CPNE8: variants seen among roughly 807,000 people sequenced by gnomAD.
CPNE8 encodes copine 8, also known as copine-8.
In CPNE8, 45 loss-of-function variants were observed where a neutral mutation model predicts 81.5. The observed-to-expected ratio is 0.55, with a 90% confidence interval of 0.44 to 0.71. CPNE8 has a LOEUF of 0.71. Ranked by LOEUF, CPNE8 falls within the 30% of genes least tolerant of loss-of-function variation. CPNE8 has a pLI of 0.00. For missense variants in CPNE8, 594 were observed against 672.1 expected (o/e 0.88, Z 1.28); for synonymous variants, 252 against 226.3 (o/e 1.11, Z -1.02).
intron 6 of CPNE8, among the ~76,000 whole-genome samples, chr12:38,779,844 TA>T (rs1942008844): frequency 6.6e-6 from 1 of 152,072 alleles, no homozygotes. Context: ...ATGAATAGTA[TA>T]CAAAATATAA....
chr12:38,778,297 CACA>C, intron 6 of CPNE8, among the ~76,000 whole-genome samples: 1 of 152,180 alleles, frequency 6.6e-6, no homozygotes, highest in Non-Finnish European at 1.5e-5. Flanking sequence ...ATGGTGGTTT[CACA>C]ACAATGAAAT....
chr12:38,770,363 T>G (rs1263661184), intron 7 of CPNE8, among the ~76,000 whole-genome samples: 2 of 152,218 alleles, frequency 1.3e-5, no homozygotes, highest in Non-Finnish European at 2.9e-5. Context: ...TCTAAAATTT[T>G]GCTCAAATCT....
At chr12:38,802,704 C>T (rs1334953886) in intron 6 of CPNE8, among the ~76,000 whole-genome samples, 2 of 151,768 alleles carry the variant, frequency 1.3e-5, no homozygotes, top group Non-Finnish European at 2.9e-5. Context: ...TTCCAAAAAT[C>T]AATGAATCCA....
intron 6 of CPNE8, among the ~76,000 whole-genome samples, chr12:38,778,292 G>A (rs948082698): frequency 2.0e-5 from 3 of 152,054 alleles, no homozygotes; most frequent in African/African-American, 7.2e-5. Context: ...AGCCTATGGT[G>A]GTTTCACAAC....
At chr12:38,896,153 A>C (rs1944384996) in intron 1 of CPNE8, among the ~76,000 whole-genome samples, 1 of 152,150 alleles carries the variant, frequency 6.6e-6, no homozygotes, top group African/African-American at 2.4e-5. Context: ...CTTATATTTG[A>C]ATTCGTTTAC....
chr12:38,770,495 A>C (rs1941779518), intron 7 of CPNE8, among the ~76,000 whole-genome samples: 1 of 152,192 alleles, frequency 6.6e-6, no homozygotes, highest in Admixed American at 6.5e-5. Flanking sequence ...TCCATTCTCC[A>C]TTCAGCAGAC....
intron 6 of CPNE8, among the ~76,000 whole-genome samples, chr12:38,787,154 C>T (rs1313491590): frequency 5.3e-5 from 8 of 152,036 alleles, no homozygotes; most frequent in South Asian, 2.1e-4. Flanking sequence ...GCAGAATACA[C>T]ATCATGTTCC....
chr12:38,662,702 A>C (rs769076399), intron 19 of CPNE8, among the ~76,000 whole-genome samples: 1 of 152,288 alleles, frequency 6.6e-6, no homozygotes, highest in African/African-American at 2.4e-5. Context: ...AGCCACAAGA[A>C]GAAAGCTGAA....
At chr12:38,798,250 G>C (rs1046586682) in intron 6 of CPNE8, among the ~76,000 whole-genome samples, 11 of 152,138 alleles carry the variant, frequency 7.2e-5, no homozygotes, top group Non-Finnish European at 1.2e-4. Context: ...ATAATTGTCG[G>C]ATTCACCAAA....
At chr12:38,666,969 C>T (rs1939069677) in intron 19 of CPNE8, among the ~76,000 whole-genome samples, 1 of 152,114 alleles carries the variant, frequency 6.6e-6, no homozygotes, top group Non-Finnish European at 1.5e-5. Flanking sequence ...CTTAGCCTGC[C>T]TAGCACATGA....
upstream of CPNE8, chr12:38,905,606 G>C: frequency 6.5e-7 from 1 of 1,528,516 alleles, no homozygotes; most frequent in Non-Finnish European, 8.8e-7. Flanking sequence ...GCTAGCTCCC[G>C]TCAGGCGGGG....
chr12:38,817,561 C>T (rs1453865792), intron 6 of CPNE8, among the ~76,000 whole-genome samples: 1 of 148,020 alleles, frequency 6.8e-6, no homozygotes, highest in Non-Finnish European at 1.5e-5. Flanking sequence ...TTCTGTATTA[C>T]TAAAGTGATA....
At chr12:38,675,672 A>G in intron 18 of CPNE8, 45 bp downstream of exon 18, 1 of 1,214,266 alleles carries the variant, frequency 8.2e-7, no homozygotes, top group Non-Finnish European at 1.2e-6. Context: ...GTTACATTAG[A>G]TTAAATGAAC....
chr12:38,829,777 C>T (rs1414265881), intron 5 of CPNE8, among the ~76,000 whole-genome samples: 2 of 152,126 alleles, frequency 1.3e-5, no homozygotes, highest in African/African-American at 4.8e-5. Flanking sequence ...ACTTCGGATG[C>T]CTCTGAATTA....
In CPNE8 at chr12:38,653,529, A is replaced by G. The variant is rs1350265550; in HGVS notation, c.*353T>C. ...ACATTGATACAGAGACTGCTTTCCT[A>G]TACACATAGCAGTCGAAGACAATAT... On this transcript the variant is annotated 3_prime_UTR_variant, in exon 20 of 20. Transcript: ENST00000331366. 5.4e-6 allele frequency: 1 copy of G among 184,482 alleles called. No homozygotes were observed. The highest frequency in any genetic ancestry group is 2.3e-5 in the African/African-American group (1 of 42,578). 11.4% of individuals were successfully genotyped at this position (184,482 alleles called of 1,614,324 possible). A position where few individuals can be genotyped will look rare whatever the true frequency, so the allele number is the denominator to read the frequency against.
chr12:38,898,210 A>C (rs76980777), intron 1 of CPNE8, among the ~76,000 whole-genome samples: 2,305 of 152,238 alleles, frequency 0.015, 49 homozygotes, highest in African/African-American at 0.052. Context: ...CATTCTCCAC[A>C]TACCAGGGCT....
chr12:38,897,215 A>C (rs1183167957), intron 1 of CPNE8, among the ~76,000 whole-genome samples: 1 of 152,116 alleles, frequency 6.6e-6, no homozygotes, highest in Non-Finnish European at 1.5e-5. Flanking sequence ...ATGGTAATAA[A>C]AGTATTTAGA....
At chr12:38,675,809 G>A (rs781546704) in intron 17 of CPNE8, 35 bp from the exon 18 acceptor site, 98 of 1,337,840 alleles carry the variant, frequency 7.3e-5, no homozygotes, top group Non-Finnish European at 1.0e-4. Flanking sequence ...TTTCAATTAA[G>A]AAATTGAGTT....
At chr12:38,741,643 A>G (rs1279117008) in intron 10 of CPNE8, among the ~76,000 whole-genome samples, 6 of 152,216 alleles carry the variant, frequency 3.9e-5, no homozygotes, top group African/African-American at 1.4e-4. Flanking sequence ...TGTTTAAAAC[A>G]CCAAAAGCAA....
Sources: gnomAD v4.1 joint callset for allele counts (sites outside exome capture counted in the v4.1 genomes callset) on GRCh38, gnomAD v4.1.1 for gene constraint, MANE v1.5 for transcripts, NCBI Gene and HGNC (gene_info 2026-07-23, HGNC 2026-07-21) for gene names.